Variants in GRID1 observed in about 807,000 individuals in gnomAD.
GRID1 encodes the protein glutamate ionotropic receptor delta type subunit 1.
A neutral mutation model predicts 98.0 loss-of-function variants in GRID1; 28 were observed. That is an observed-to-expected ratio of 0.29 (90% CI 0.21 to 0.39). GRID1 has a LOEUF of 0.39. Among genes scored for constraint, GRID1 ranks in the 10% least tolerant of loss-of-function variants. GRID1 has a pLI of 1.00. For synonymous variants in GRID1, 553 were observed against 538.5 expected (o/e 1.03, Z -0.37); for missense variants, 1,111 against 1,340.5 (o/e 0.83, Z 2.67).
intron 2 of GRID1, among the ~76,000 whole-genome samples, chr10:86,271,709 T>C (rs1025138445): frequency 6.6e-6 from 1 of 151,902 alleles, no homozygotes; most frequent in Non-Finnish European, 1.5e-5. Context: ...AAAAAGAAAC[T>C]ATCCAAAGTT....
chr10:85,835,380 G>A (rs1590255958), intron 8 of GRID1, among the ~76,000 whole-genome samples: 1 of 152,228 alleles, frequency 6.6e-6, no homozygotes, highest in Non-Finnish European at 1.5e-5. Flanking sequence ...GCCAAGGGTG[G>A]GGCCAGGTGA....
intron 2 of GRID1, among the ~76,000 whole-genome samples, chr10:86,279,879 A>C (rs558410433): frequency 6.6e-6 from 1 of 152,270 alleles, no homozygotes; most frequent in Admixed American, 6.5e-5. Flanking sequence ...AGGCACTAAA[A>C]CCAATAAGTA....
intron 4 of GRID1, among the ~76,000 whole-genome samples, chr10:86,019,569 A>C (rs1429190591): frequency 6.6e-6 from 1 of 152,256 alleles, no homozygotes; most frequent in South Asian, 2.1e-4. Context: ...AGCAATTCAC[A>C]TGCATGCTAG....
At chr10:85,755,939 G>A (rs111947697) in intron 8 of GRID1, among the ~76,000 whole-genome samples, 25 of 152,146 alleles carry the variant, frequency 1.6e-4, no homozygotes, top group Admixed American at 5.9e-4. Context: ...TGCGCTGGAC[G>A]CCACTGGTAA....
At chr10:85,889,822 T>C (rs1045864717) in intron 5 of GRID1, among the ~76,000 whole-genome samples, 6 of 152,240 alleles carry the variant, frequency 3.9e-5, no homozygotes, top group Non-Finnish European at 8.8e-5. Context: ...TTCCCTTTTC[T>C]CCGCATCCTC....
intron 8 of GRID1, among the ~76,000 whole-genome samples, chr10:85,826,996 G>T (rs899507086): frequency 6.6e-6 from 1 of 152,192 alleles, no homozygotes; most frequent in African/African-American, 2.4e-5. Flanking sequence ...CAACTTCAAA[G>T]ATTGAAGGAA....
intron 4 of GRID1, among the ~76,000 whole-genome samples, chr10:86,019,812 G>A (rs973758438): frequency 6.6e-5 from 10 of 152,208 alleles, no homozygotes; most frequent in Non-Finnish European, 1.2e-4. Flanking sequence ...CCAAGGCCAC[G>A]AGGCATCCTC....
At chr10:85,705,490 C>T (rs1409359725) in intron 12 of GRID1, among the ~76,000 whole-genome samples, 1 of 152,102 alleles carries the variant, frequency 6.6e-6, no homozygotes, top group African/African-American at 2.4e-5. Flanking sequence ...AAAAAAAGTC[C>T]AGGACCAGAT....
chr10:86,250,129 G>A (rs1451505630), intron 2 of GRID1, among the ~76,000 whole-genome samples: 1 of 152,128 alleles, frequency 6.6e-6, no homozygotes, highest in African/African-American at 2.4e-5. Flanking sequence ...GAGTCAACAG[G>A]AAGGTCACAT....
At chr10:85,816,269 T>C (rs1842715124) in intron 8 of GRID1, among the ~76,000 whole-genome samples, 1 of 152,112 alleles carries the variant, frequency 6.6e-6, no homozygotes, top group Non-Finnish European at 1.5e-5. Flanking sequence ...AAAGTGAAAA[T>C]AATCAAGATG....
At chr10:85,852,688 G>C (rs1272819955) in intron 8 of GRID1, among the ~76,000 whole-genome samples, 1 of 152,180 alleles carries the variant, frequency 6.6e-6, no homozygotes, top group East Asian at 1.9e-4. Context: ...GATTGAAAGA[G>C]CCCTCCTTAC....
intron 8 of GRID1, among the ~76,000 whole-genome samples, chr10:85,814,754 C>G (rs892604515): frequency 1.3e-5 from 2 of 151,752 alleles, no homozygotes; most frequent in Non-Finnish European, 3.0e-5. Flanking sequence ...AATGAGATAA[C>G]CCTCATATCT....
At chr10:85,877,220 T>A (rs1843343271) in intron 5 of GRID1, among the ~76,000 whole-genome samples, 1 of 152,144 alleles carries the variant, frequency 6.6e-6, no homozygotes, top group Admixed American at 6.5e-5. Flanking sequence ...CTCTGCAAAC[T>A]TAAATGTCCC....
intron 2 of GRID1, among the ~76,000 whole-genome samples, chr10:86,324,451 T>C (rs1247709789): frequency 6.6e-6 from 1 of 152,142 alleles, no homozygotes; most frequent in African/African-American, 2.4e-5. Context: ...GAGGGGACTT[T>C]TTGGTTGTCA....
At chr10:85,623,091 T>C (rs990978467) in intron 13 of GRID1, among the ~76,000 whole-genome samples, 2 of 152,206 alleles carry the variant, frequency 1.3e-5, no homozygotes, top group Non-Finnish European at 2.9e-5. Flanking sequence ...CTAAATGTCG[T>C]CTTCACTTCC....
chr10:86,265,201 T>C (rs1300833629), intron 2 of GRID1, among the ~76,000 whole-genome samples: 2 of 152,096 alleles, frequency 1.3e-5, no homozygotes, highest in Admixed American at 6.5e-5. Context: ...ATGGTTCCAT[T>C]ATAACAAATT....
At chr10:85,899,046 A>G (rs1422615551) in intron 5 of GRID1, among the ~76,000 whole-genome samples, 2 of 152,196 alleles carry the variant, frequency 1.3e-5, no homozygotes, top group African/African-American at 4.8e-5. Flanking sequence ...CTACAAAGCC[A>G]TTAGGTGACA....
chr10:85,871,447 T>C (rs116734339), intron 5 of GRID1, among the ~76,000 whole-genome samples: 1,839 of 152,322 alleles, frequency 0.012, 35 homozygotes, highest in African/African-American at 0.041. Context: ...ATTTCAGTGA[T>C]GGAAGAGAGG....
rs1440860818 is a variant in GRID1, at chr10:86,365,138, C to T, written c.80-1042G>A. Among the ~76,000 whole-genome samples the T allele has an allele frequency of 6.6e-6, 1 of 151,928 alleles. No homozygotes were observed. The highest frequency in any genetic ancestry group is 1.5e-5 in the Non-Finnish European group (1 of 67,948). On this transcript the variant is annotated intron_variant, in intron 1 of 15. Transcript: ENST00000327946. This position sits in a 1 kb window ranked among gnomAD's most constrained non-coding sequence, Gnocchi z 4.8. The stretch of plus-strand genomic sequence containing the variant: ...GGAGCCGGCGCCGCAATGCTGACCG[C>T]GAGACCCGCACCCCTCCAGGGCGGG...
Sources: gnomAD v4.1 joint callset for allele counts (sites outside exome capture counted in the v4.1 genomes callset) on GRCh38, gnomAD v4.1.1 for gene constraint, Gnocchi (gnomAD v3.1) non-coding constraint, MANE v1.5 for transcripts, NCBI Gene and HGNC (gene_info 2026-07-23, HGNC 2026-07-21) for gene names.